Variants in MALRD1 observed in about 807,000 individuals in gnomAD.
The protein encoded by MALRD1 is MAM and LDL receptor class A domain containing 1.
A neutral mutation model predicts 242.1 loss-of-function variants in MALRD1; 247 were observed. The ratio of observed to expected loss-of-function variants is 1.02; its 90% CI spans 0.92 to 1.13. The LOEUF (loss-of-function observed/expected upper bound fraction) is 1.13. Among genes scored for constraint, MALRD1 ranks in the 50% most tolerant of loss-of-function variants. The pLI, the probability that MALRD1 is intolerant of heterozygous loss-of-function variation, is 0.00. For synonymous variants in MALRD1, 995 were observed against 866.6 expected (o/e 1.15, Z -2.60); for missense variants, 2,989 against 2,533.1 (o/e 1.18, Z -3.86).
intron 14 of MALRD1, among the ~76,000 whole-genome samples, chr10:19,185,165 T>G (rs2131569855): frequency 6.6e-6 from 1 of 152,318 alleles, no homozygotes; most frequent in African/African-American, 2.4e-5. Flanking sequence ...GTACATTTTC[T>G]CACGCCTACA....
chr10:19,671,045 A>G (rs965201443), intron 36 of MALRD1, among the ~76,000 whole-genome samples: 1 of 151,930 alleles, frequency 6.6e-6, no homozygotes, highest in African/African-American at 2.4e-5. Context: ...CGCCTGGCTA[A>G]TTTTTTTATT....
intron 18 of MALRD1, among the ~76,000 whole-genome samples, chr10:19,230,395 G>C (rs1232483271): frequency 2.0e-5 from 3 of 152,098 alleles, no homozygotes; most frequent in African/African-American, 7.3e-5. Context: ...TCCAGGGGGG[G>C]CCTCAGGAAG....
chr10:19,335,469 C>G (rs1564572194), intron 24 of MALRD1, among the ~76,000 whole-genome samples: 1 of 152,000 alleles, frequency 6.6e-6, no homozygotes, highest in Non-Finnish European at 1.5e-5. Context: ...TGGCTGGAAT[C>G]TGCCATATGA....
intron 28 of MALRD1, among the ~76,000 whole-genome samples, chr10:19,397,373 A>G (rs1319775399): frequency 6.6e-6 from 1 of 152,150 alleles, no homozygotes; most frequent in Non-Finnish European, 1.5e-5. Context: ...TTCACTTAAC[A>G]TAATTTCCTC....
At chr10:19,634,779 C>T (rs757799000) in intron 36 of MALRD1, among the ~76,000 whole-genome samples, 1 of 152,088 alleles carries the variant, frequency 6.6e-6, no homozygotes, top group African/African-American at 2.4e-5. Context: ...GCTATAAAAA[C>T]TTAGCAAGAA....
At chr10:19,322,268 A>G (rs778397871) in intron 21 of MALRD1, among the ~76,000 whole-genome samples, 1 of 152,084 alleles carries the variant, frequency 6.6e-6, no homozygotes, top group Non-Finnish European at 1.5e-5. Flanking sequence ...ATACTGGGAT[A>G]TTTAACGTAT....
chr10:19,490,881 A>G (rs1004002361), intron 29 of MALRD1, among the ~76,000 whole-genome samples: 23 of 152,162 alleles, frequency 1.5e-4, no homozygotes, highest in African/African-American at 4.8e-4. Context: ...AGTTCTCTGT[A>G]CTTGTCAATG....
chr10:19,580,794 T>G (rs1378508633), intron 33 of MALRD1, among the ~76,000 whole-genome samples: 7 of 152,134 alleles, frequency 4.6e-5, no homozygotes, highest in African/African-American at 1.7e-4. Flanking sequence ...TGGAAAATTC[T>G]CCATTTTCTT....
chr10:19,494,681 G>C (rs1837636599), intron 30 of MALRD1, among the ~76,000 whole-genome samples: 1 of 151,984 alleles, frequency 6.6e-6, no homozygotes, highest in Non-Finnish European at 1.5e-5. Flanking sequence ...AAAGAATCAA[G>C]AGCTTGAAGA....
intron 20 of MALRD1, among the ~76,000 whole-genome samples, chr10:19,281,709 C>T (rs889599963): frequency 7.2e-5 from 11 of 152,140 alleles, no homozygotes; most frequent in Admixed American, 1.3e-4. Context: ...CAGTGGCTCA[C>T]GCCTGTAATC....
At chr10:19,153,196 T>C (rs920563405) in intron 11 of MALRD1, among the ~76,000 whole-genome samples, 1 of 152,200 alleles carries the variant, frequency 6.6e-6, no homozygotes, top group Non-Finnish European at 1.5e-5. Flanking sequence ...AGACACACTA[T>C]TTTTGGATAA....
At position 19,064,508 on chromosome 10, in the gene MALRD1, CT is replaced by C. The variant is rs569891101; in HGVS notation, c.200-2200del. ...GGCAGTTATTAGAAGTTCAGGATTG[CT>C]TTTTTTTTTTGGTAAGAATTAATTG... On this transcript the variant is annotated intron_variant, in intron 1 of 39. Coordinates refer to ENST00000454679, the MANE Select transcript of MALRD1 (RefSeq NM_001142308.3). 5.1e-3 allele frequency among the ~76,000 whole-genome samples: 730 copies of C among 142,008 alleles called. 4 individuals are homozygous for C. Among genetic ancestry groups the C allele is most frequent in the African/African-American group, 0.015 (594 of 38,956 alleles). 93.2% of individuals were successfully genotyped at this position (142,008 alleles called of 152,430 possible). A position where few individuals can be genotyped will look rare whatever the true frequency, so the allele number is the denominator to read the frequency against.
intron 18 of MALRD1, among the ~76,000 whole-genome samples, chr10:19,235,574 C>G (rs1199353797): frequency 5.6e-4 from 42 of 74,724 alleles, no homozygotes; most frequent in South Asian, 5.0e-3. Flanking sequence ...CACACCCACA[C>G]CCACAGAGAG....
intron 18 of MALRD1, among the ~76,000 whole-genome samples, chr10:19,210,257 G>A (rs1283138981): frequency 6.6e-6 from 1 of 152,100 alleles, no homozygotes. Context: ...GTTTTGTAAA[G>A]GAATTTTATA....
chr10:19,134,258 A>C (rs1833239086), intron 9 of MALRD1, among the ~76,000 whole-genome samples: 1 of 152,226 alleles, frequency 6.6e-6, no homozygotes, highest in Non-Finnish European at 1.5e-5. Context: ...AAGTAGGTAA[A>C]TAGTAAACTG....
chr10:19,175,174 T>C, intron 13 of MALRD1, 34 bp from the exon 14 acceptor site: 1 of 1,215,804 alleles, frequency 8.2e-7, no homozygotes, highest in Non-Finnish European at 1.0e-6. Flanking sequence ...TTTTGTGATG[T>C]GTTTTTAACA....
chr10:19,081,314 C>T (rs776053621), intron 2 of MALRD1, among the ~76,000 whole-genome samples: 21 of 152,040 alleles, frequency 1.4e-4, no homozygotes, highest in East Asian at 9.6e-4. Context: ...CACATACATG[C>T]GTATGTTCAT....
chr10:19,595,546 T>C, intron 34 of MALRD1, 89 bp downstream of exon 34: 2 of 1,367,270 alleles, frequency 1.5e-6, no homozygotes, highest in East Asian at 5.0e-5. Flanking sequence ...TGAAGTTCTC[T>C]AGAGCCTTAC....
At chr10:19,279,968 C>T (rs1840724653) in intron 19 of MALRD1, 79 bp from the exon 20 acceptor site, 1 of 1,162,420 alleles carries the variant, frequency 8.6e-7, no homozygotes, top group Admixed American at 3.5e-5. Context: ...ATTTAGAAAG[C>T]TTCATTGTGT....
Sources: gnomAD v4.1 joint callset for allele counts (sites outside exome capture counted in the v4.1 genomes callset) on GRCh38, gnomAD v4.1.1 for gene constraint, MANE v1.5 for transcripts, NCBI Gene and HGNC (gene_info 2026-07-23, HGNC 2026-07-21) for gene names.